The following CREM variants were observed in gnomAD, a reference collection of about 807,000 sequenced individuals.
CREM encodes cAMP-responsive element modulator.
In CREM, 13 loss-of-function variants were observed where a neutral mutation model predicts 37.3. That is an observed-to-expected ratio of 0.35 (90% CI 0.23 to 0.55). The LOEUF (loss-of-function observed/expected upper bound fraction) is 0.55, where lower values mean the gene tolerates loss of function less well. CREM is among the 20% of genes least tolerant of loss of function. The pLI is 0.88. For missense variants in CREM, 296 were observed against 362.3 expected, an observed-to-expected ratio of 0.82 and a Z score of 1.49; for synonymous variants, 124 against 120.2, an observed-to-expected ratio of 1.03 and a Z score of -0.21.
intron 3 of CREM, among the ~76,000 whole-genome samples, chr10:35,166,970 G>C (rs2093586014): frequency 6.6e-6 from 1 of 152,072 alleles, no homozygotes; most frequent in Admixed American, 6.5e-5. Flanking sequence ...GGTAAACCCT[G>C]TCTTTACTAA....
At chr10:35,128,767 C>T (rs1309978445) in intron 1 of CREM, among the ~76,000 whole-genome samples, 4 of 152,188 alleles carry the variant, frequency 2.6e-5, no homozygotes, top group African/African-American at 9.6e-5. Context: ...CCTCGTGATC[C>T]GCCCGCGTCG....
At chr10:35,136,160 T>A (rs1404622679) in intron 1 of CREM, among the ~76,000 whole-genome samples, 1 of 152,164 alleles carries the variant, frequency 6.6e-6, no homozygotes, top group Non-Finnish European at 1.5e-5. Flanking sequence ...TTTTTCTAGT[T>A]TTAAAGTTTT....
chr10:35,177,949 C>T (rs1262628185), intron 3 of CREM, among the ~76,000 whole-genome samples: 9 of 151,978 alleles, frequency 5.9e-5, no homozygotes, highest in South Asian at 2.1e-4. Flanking sequence ...ATGTGTGGGG[C>T]GTTCATGAGC....
At chr10:35,127,351 A>G (rs937200902) in intron 1 of CREM, 158 bp downstream of exon 1, 14 of 152,008 alleles carry the variant, frequency 9.2e-5, no homozygotes, top group African/African-American at 3.4e-4. Flanking sequence ...GGGCCGGGCC[A>G]AGGACTGGCG....
Position 35,206,940 on chromosome 10 carries a change from C to A in CREM, c.644C>A (p.Ala215Asp). The A allele has an allele frequency of 6.2e-7, 1 of 1,614,020 alleles. No individual in the cohort carries two copies. Among genetic ancestry groups the A allele is most frequent in the Non-Finnish European group, 8.5e-7 (1 of 1,180,006 alleles). Residue 215 changes from alanine to aspartate, a missense_variant, in exon 7 of 8, where the codon GCT becomes GAT. Ala to Asp is a moderately radical substitution (Grantham distance 126). This residue lies in a region of CREM where 257 missense variants were observed against 280.2 expected (regional missense o/e 0.92). Coordinates refer to ENST00000685392, the MANE Select transcript of CREM (RefSeq NM_183011.2). ...MPTYQIRAPT[A>D]ALPQGVVMAA... ...ACTTACCAGATCCGAGCTCCTACTG[C>A]TGCTTTGCCACAGGGAGTGGTGATG...
chr10:35,162,303 A>G (rs866236761), intron 3 of CREM, among the ~76,000 whole-genome samples: 1 of 152,176 alleles, frequency 6.6e-6, no homozygotes, highest in Non-Finnish European at 1.5e-5. Flanking sequence ...TGTTGGTCCA[A>G]GAATATATAA....
intron 3 of CREM, among the ~76,000 whole-genome samples, chr10:35,174,965 C>A (rs1380583325): frequency 3.3e-5 from 5 of 152,138 alleles, no homozygotes. Flanking sequence ...GCCTCATCAG[C>A]CTTCAAGGCA....
chr10:35,154,342 CTT>C, intron 3 of CREM: 1 of 347,628 alleles, frequency 2.9e-6, no homozygotes. Context: ...AACATTTTCT[CTT>C]GTTAATAGGT....
At chr10:35,189,504 GTTTATTTATTTA>G (rs576826559) in intron 6 of CREM, among the ~76,000 whole-genome samples, 16 of 121,798 alleles carry the variant, frequency 1.3e-4, no homozygotes, top group Non-Finnish European at 1.9e-5. Context: ...TTGTTTGTTT[GTTTATTTATTTA>G]TTTATTTATT....
chr10:35,170,692 G>A (rs1315236831), intron 3 of CREM, among the ~76,000 whole-genome samples: 1 of 152,148 alleles, frequency 6.6e-6, no homozygotes, highest in Non-Finnish European at 1.5e-5. Flanking sequence ...TTGCATAGAG[G>A]TGTTTATAGT....
At chr10:35,168,903 G>A (rs1045284117) in intron 3 of CREM, among the ~76,000 whole-genome samples, 1 of 152,150 alleles carries the variant, frequency 6.6e-6, no homozygotes, top group East Asian at 1.9e-4. Flanking sequence ...AGATCAGATG[G>A]TTGTAGATGT....
At chr10:35,201,030 G>A (rs927553344) in intron 6 of CREM, among the ~76,000 whole-genome samples, 6 of 151,626 alleles carry the variant, frequency 4.0e-5, no homozygotes, top group African/African-American at 1.5e-4. Flanking sequence ...CCAGTCTGAT[G>A]AGAGTATATC....
In CREM at chr10:35,179,116, TG is replaced by T; in HGVS notation, c.267-17del. 1.9e-6 allele frequency: 3 copies of T among 1,600,422 alleles called. No individual in the cohort carries two copies. Among genetic ancestry groups the T allele is most frequent in the Non-Finnish European group, 2.6e-6 (3 of 1,171,614 alleles). ...ATTCATGTATCTTAGTGACTTACCT[TG>T]TTAAATTGTATTTTAGGAAAATACT... On this transcript the variant is annotated splice_polypyrimidine_tract_variant and intron_variant, in intron 4 of 7. Coordinates refer to ENST00000685392, the MANE Select transcript of CREM (RefSeq NM_183011.2).
intron 6 of CREM, among the ~76,000 whole-genome samples, chr10:35,198,871 T>C (rs534944934): frequency 1.3e-5 from 2 of 152,204 alleles, no homozygotes; most frequent in South Asian, 2.1e-4. Flanking sequence ...ATTTCGAGGC[T>C]GGGCGTGGTG....
intron 5 of CREM, among the ~76,000 whole-genome samples, chr10:35,181,341 G>A (rs1216301104): frequency 6.6e-6 from 1 of 152,128 alleles, no homozygotes; most frequent in African/African-American, 2.4e-5. Flanking sequence ...TAAAAGTAGG[G>A]GGAAAAAGAC....
intron 3 of CREM, among the ~76,000 whole-genome samples, chr10:35,174,860 G>A (rs1401334279): frequency 6.6e-6 from 1 of 152,182 alleles, no homozygotes; most frequent in African/African-American, 2.4e-5. Flanking sequence ...GGGAAGTAGT[G>A]AGGAGATGGC....
intron 2 of CREM, among the ~76,000 whole-genome samples, chr10:35,147,688 A>C (rs2092277938): frequency 6.6e-6 from 1 of 152,204 alleles, no homozygotes; most frequent in Non-Finnish European, 1.5e-5. Context: ...GAATCATAGA[A>C]TATTTATACT....
chr10:35,128,752 C>T (rs578141943), intron 1 of CREM, among the ~76,000 whole-genome samples: 2 of 152,138 alleles, frequency 1.3e-5, no homozygotes, highest in African/African-American at 2.4e-5. Flanking sequence ...GTCTCGATCT[C>T]CTGACCTCGT....
chr10:35,152,642 TA>T (rs1172770208), intron 3 of CREM, among the ~76,000 whole-genome samples: 1 of 152,240 alleles, frequency 6.6e-6, no homozygotes, highest in Non-Finnish European at 1.5e-5. Context: ...ATTTATTAAG[TA>T]CGTGTGTTGA....
Sources: gnomAD v4.1 joint callset for allele counts (sites outside exome capture counted in the v4.1 genomes callset) on GRCh38, gnomAD v4.1.1 for gene constraint, gnomAD v4.1.1 regional missense constraint, MANE v1.5 for transcripts, NCBI Gene and HGNC (gene_info 2026-07-23, HGNC 2026-07-21) for gene names.